Variants in HCN1 observed in about 807,000 individuals in gnomAD.
HCN1 encodes hyperpolarization activated cyclic nucleotide gated potassium channel 1, also known as potassium/sodium hyperpolarization-activated cyclic nucleotide-gated channel 1.
A neutral mutation model predicts 78.9 loss-of-function variants in HCN1; 13 were observed. The observed-to-expected ratio is 0.16, with a 90% CI of 0.11 to 0.26. The LOEUF is 0.26. Ranked by LOEUF, HCN1 falls within the 10% of genes least tolerant of loss-of-function variation. The pLI, the probability that HCN1 is intolerant of heterozygous loss-of-function variation, is 1.00. For synonymous variants in HCN1, 552 were observed against 455.5 expected, an observed-to-expected ratio of 1.21 and a Z score of -2.70; for missense variants, 810 against 1,154.3, an observed-to-expected ratio of 0.70 and a Z score of 4.32.
chr5:45,457,320 C>T (rs1458652194), intron 3 of HCN1, among the ~76,000 whole-genome samples: 5 of 152,114 alleles, frequency 3.3e-5, no homozygotes, highest in Admixed American at 6.6e-5. Flanking sequence ...ACCCATTACT[C>T]CCAATCTTGT....
chr5:45,341,766 A>G (rs186584119), intron 5 of HCN1, among the ~76,000 whole-genome samples: 7 of 152,286 alleles, frequency 4.6e-5, no homozygotes, highest in Admixed American at 4.6e-4. Context: ...AGGAAAAATA[A>G]CATCTGCTTA....
intron 2 of HCN1, among the ~76,000 whole-genome samples, chr5:45,590,788 T>G (rs1211539324): frequency 6.6e-6 from 1 of 152,202 alleles, no homozygotes; most frequent in Non-Finnish European, 1.5e-5. Flanking sequence ...TTACTCTTCC[T>G]CCATACATAT....
intron 4 of HCN1, among the ~76,000 whole-genome samples, chr5:45,386,316 T>C (rs915790086): frequency 6.6e-6 from 1 of 151,662 alleles, no homozygotes; most frequent in Non-Finnish European, 1.5e-5. Flanking sequence ...GCTGGGAGTA[T>C]AGGTGCGAGC....
chr5:45,575,765 A>T (rs1006496689), intron 2 of HCN1: 1 of 152,144 alleles, frequency 6.6e-6, no homozygotes, highest in Non-Finnish European at 1.5e-5. Flanking sequence ...CAAGTCACTC[A>T]CATAAGAGCT....
chr5:45,687,158 C>T (rs1739824549), intron 1 of HCN1, among the ~76,000 whole-genome samples: 1 of 152,024 alleles, frequency 6.6e-6, no homozygotes, highest in African/African-American at 2.4e-5. Flanking sequence ...GTAACTTTTT[C>T]TTTGAAAAGT....
intron 2 of HCN1, among the ~76,000 whole-genome samples, chr5:45,616,373 G>T (rs190980382): frequency 3.2e-4 from 49 of 152,038 alleles, no homozygotes; most frequent in Admixed American, 1.1e-3. Flanking sequence ...GGCTGAGAGT[G>T]CGCCTAAAAT....
In HCN1 at chr5:45,627,017, G is replaced by A. The variant is rs905200658; in HGVS notation, c.849+18168C>T. Among the ~76,000 whole-genome samples the A allele has an allele frequency of 5.5e-4, 84 of 151,452 alleles. 1 individual carries two copies. Among genetic ancestry groups the A allele is most frequent in the Non-Finnish European group, 8.8e-5 (6 of 67,926 alleles). On this transcript the variant is annotated intron_variant, in intron 2 of 7. Transcript: ENST00000303230. ...TGTATATATATATATGTATGTGTGT[G>A]TACATATATATATAACTGGGTCCAT...
intron 2 of HCN1, among the ~76,000 whole-genome samples, chr5:45,538,445 C>T (rs982188037): frequency 1.3e-5 from 2 of 152,062 alleles, no homozygotes; most frequent in African/African-American, 2.4e-5. Flanking sequence ...TCTACAATTC[C>T]TTGAGGTAAA....
At chr5:45,562,533 C>G (rs941890071) in intron 2 of HCN1, among the ~76,000 whole-genome samples, 5 of 80,692 alleles carry the variant, frequency 6.2e-5, no homozygotes, top group African/African-American at 2.0e-4. Flanking sequence ...AACAAAAAAC[C>G]CTTAGGTAAA....
intron 2 of HCN1, among the ~76,000 whole-genome samples, chr5:45,604,775 T>G (rs897771760): frequency 6.6e-6 from 1 of 151,968 alleles, no homozygotes; most frequent in African/African-American, 2.4e-5. Context: ...CTTTAAAATA[T>G]GATAAAATAG....
intron 4 of HCN1, among the ~76,000 whole-genome samples, chr5:45,382,535 GCTT>G (rs1186792681): frequency 6.6e-6 from 1 of 151,890 alleles, no homozygotes; most frequent in African/African-American, 2.4e-5. Flanking sequence ...CTGCTTATTT[GCTT>G]CTTTTAAATT....
chr5:45,573,033 C>T (rs147060480), intron 2 of HCN1, among the ~76,000 whole-genome samples: 21 of 151,954 alleles, frequency 1.4e-4, no homozygotes, highest in African/African-American at 4.1e-4. Context: ...TGCTTAGCTG[C>T]GCAAAATGTT....
intron 2 of HCN1, among the ~76,000 whole-genome samples, chr5:45,562,576 AC>A (rs1743627252): frequency 6.6e-6 from 1 of 152,172 alleles, no homozygotes; most frequent in South Asian, 2.1e-4. Context: ...ACAGAAAGAC[AC>A]ATATACAAAC....
At chr5:45,361,735 G>T (rs987029913) in intron 4 of HCN1, among the ~76,000 whole-genome samples, 4 of 152,112 alleles carry the variant, frequency 2.6e-5, no homozygotes, top group African/African-American at 9.7e-5. Flanking sequence ...GGATTCAAAA[G>T]AACTTGGAAG....
intron 3 of HCN1, among the ~76,000 whole-genome samples, chr5:45,435,046 T>A (rs1382248078): frequency 6.6e-6 from 1 of 152,048 alleles, no homozygotes; most frequent in Non-Finnish European, 1.5e-5. Flanking sequence ...CAACATCCAA[T>A]ATGTCAGTAT....
intron 5 of HCN1, among the ~76,000 whole-genome samples, chr5:45,319,544 T>A (rs1481412136): frequency 1.3e-5 from 2 of 151,934 alleles, no homozygotes; most frequent in South Asian, 2.1e-4. Flanking sequence ...AGTTTCCCCC[T>A]TTTTCTATGT....
chr5:45,675,716 T>G (rs1333090426), intron 1 of HCN1, among the ~76,000 whole-genome samples: 1 of 151,840 alleles, frequency 6.6e-6, no homozygotes, highest in Non-Finnish European at 1.5e-5. Context: ...ATCACCCACT[T>G]GCATCCAAGC....
In HCN1 at chr5:45,262,770, A is replaced by T; in HGVS notation, c.1824T>A (p.Asp608Glu). ...GATTGTTGAAAACACCAGTGTTCAG[A>T]TCCTTCTGGAACTTTTGCAGAAGAA... ...NSILLQKFQK[D>E]LNTGVFNNQE... is the part of the protein sequence containing the mutation. The change falls in exon 8 of 8, where the codon GAT becomes GAA. Residue 608 changes from aspartate to glutamate, a missense_variant. Transcript: ENST00000303230. 6.2e-7 allele frequency: 1 copy of T among 1,614,090 alleles called. No homozygotes were observed. Among genetic ancestry groups the T allele is most frequent in the South Asian group, 1.1e-5 (1 of 91,078 alleles).
At chr5:45,286,460 G>T (rs1745272242) in intron 6 of HCN1, among the ~76,000 whole-genome samples, 1 of 151,868 alleles carries the variant, frequency 6.6e-6, no homozygotes, top group Non-Finnish European at 1.5e-5. Flanking sequence ...ACAATAAGAG[G>T]ATAAATGTGT....
Sources: gnomAD v4.1 joint callset for allele counts (sites outside exome capture counted in the v4.1 genomes callset) on GRCh38, gnomAD v4.1.1 for gene constraint, MANE v1.5 for transcripts, NCBI Gene and HGNC (gene_info 2026-07-23, HGNC 2026-07-21) for gene names.